Variants in SMIM14 observed in about 807,000 individuals in gnomAD.
SMIM14 encodes the protein small integral membrane protein 14.
A neutral mutation model predicts 12.6 loss-of-function variants in SMIM14; 5 were observed. The observed-to-expected ratio is 0.40, with a 90% CI of 0.21 to 0.83. SMIM14 has a LOEUF of 0.83. Ranked by LOEUF, SMIM14 falls within the 40% of genes least tolerant of loss-of-function variation. The probability of loss-of-function intolerance (pLI) is 0.37; values close to 1 mark genes in which losing one functional copy is unlikely to be tolerated. For synonymous variants in SMIM14, 30 were observed against 40.1 expected (o/e 0.75, Z 0.95); for missense variants, 86 against 119.1 (o/e 0.72, Z 1.29).
At chr4:39,568,243 C>T (rs546694909) in intron 3 of SMIM14, among the ~76,000 whole-genome samples, 14 of 151,054 alleles carry the variant, frequency 9.3e-5, no homozygotes, top group Middle Eastern at 6.8e-3. Flanking sequence ...TGTGCCACTA[C>T]ACTCCAGCCT....
At chr4:39,579,129 C>G (rs1241848651) in intron 2 of SMIM14, among the ~76,000 whole-genome samples, 1 of 151,832 alleles carries the variant, frequency 6.6e-6, no homozygotes, top group Non-Finnish European at 1.5e-5. Flanking sequence ...ACATAAAAGG[C>G]CGGGTGCAGT....
intron 2 of SMIM14, among the ~76,000 whole-genome samples, chr4:39,578,044 A>G (rs1400633146): frequency 6.6e-6 from 1 of 151,996 alleles, no homozygotes; most frequent in Non-Finnish European, 1.5e-5. Flanking sequence ...TGTATATTCA[A>G]TGTGTTGAAT....
At position 39,622,184 on chromosome 4, in the gene SMIM14, C is replaced by T. The variant is rs533018787; in HGVS notation, c.-36+16555G>A. Among the ~76,000 whole-genome samples the T allele has an allele frequency of 3.8e-3, 540 of 142,766 alleles. 3 individuals are homozygous for T. The highest frequency in any genetic ancestry group is 0.014 in the African/African-American group (522 of 38,456). The allele number at this position is 142,766 out of a possible 152,430, so 93.7% of individuals were successfully genotyped here. A position where few individuals can be genotyped will look rare whatever the true frequency, so the allele number is the denominator to read the frequency against. ...CTGCAAGCTCCGCCTCCCGGGTTCA[C>T]GCCATTCTCCTGCCTCAGCCTCCCG... On this transcript the variant is annotated intron_variant, in intron 1 of 4. Transcript: ENST00000295958.
chr4:39,578,386 A>T (rs1713310856), intron 2 of SMIM14, among the ~76,000 whole-genome samples: 2 of 152,174 alleles, frequency 1.3e-5, no homozygotes, highest in Admixed American at 6.6e-5. Context: ...TTTTCTCTTG[A>T]CTTACTTGGA....
intron 1 of SMIM14, chr4:39,638,399 A>ACT (rs1188376389): frequency 1.1e-6 from 1 of 893,578 alleles, no homozygotes; most frequent in Non-Finnish European, 1.3e-6. Flanking sequence ...TCCAGCTACG[A>ACT]CTCTCTTTTT....
chr4:39,622,177 G>A (rs1038526508), intron 1 of SMIM14, among the ~76,000 whole-genome samples: 7 of 150,940 alleles, frequency 4.6e-5, no homozygotes, highest in Non-Finnish European at 8.8e-5. Context: ...TCCGCCTCCC[G>A]GGTTCACGCC....
At chr4:39,624,185 G>T (rs1164979637) in intron 1 of SMIM14, among the ~76,000 whole-genome samples, 1 of 152,060 alleles carries the variant, frequency 6.6e-6, no homozygotes, top group Non-Finnish European at 1.5e-5. Context: ...CTCAAAACTG[G>T]TTATTCTTTT....
At chr4:39,595,301 A>C (rs1714306679) in intron 2 of SMIM14, among the ~76,000 whole-genome samples, 1 of 148,624 alleles carries the variant, frequency 6.7e-6, no homozygotes, top group African/African-American at 2.5e-5. Context: ...AACTATTGCA[A>C]GAACAAAAAA....
rs143199015 is a variant in SMIM14, at chr4:39,616,426, C to T, written c.-35-11246G>A. Among the ~76,000 whole-genome samples the T allele has an allele frequency of 3.6e-3, 545 of 152,184 alleles. 3 individuals are homozygous for T. Among genetic ancestry groups the T allele is most frequent in the African/African-American group, 0.013 (525 of 41,538 alleles). On this transcript the variant is annotated intron_variant, in intron 1 of 4. Coordinates refer to ENST00000295958, the MANE Select transcript of SMIM14 (RefSeq NM_174921.3). ...CTGGGATTACAGGAGTGAGCCACCGCGCCTGGCCACATTTTATAACTTGGG... is the reference window on the plus strand; with the variant it reads ...CTGGGATTACAGGAGTGAGCCACCGTGCCTGGCCACATTTTATAACTTGGG...
At chr4:39,561,149 T>C (rs1712291132) in intron 3 of SMIM14, among the ~76,000 whole-genome samples, 1 of 152,166 alleles carries the variant, frequency 6.6e-6, no homozygotes, top group Non-Finnish European at 1.5e-5. Flanking sequence ...GCAATATACT[T>C]ATTGGTTCAG....
chr4:39,562,973 C>T (rs900656741), intron 3 of SMIM14, among the ~76,000 whole-genome samples: 1 of 152,010 alleles, frequency 6.6e-6, no homozygotes, highest in Non-Finnish European at 1.5e-5. Context: ...AGCCTTTCCT[C>T]ATATGATTGG....
Position 39,638,466 on chromosome 4 carries a change from T to C in SMIM14, c.-36+273A>G, listed in dbSNP as rs1388941367. The C allele has an allele frequency of 1.3e-5, 13 of 985,294 alleles. No homozygotes were observed. The African/African-American group carries it at 1.9e-4, about 15-fold the overall frequency. The allele number at this position is 985,294 out of a possible 1,614,324, so 61.0% of individuals were successfully genotyped here. ...CTGATCCTAAAAATAAAACCACCCG[T>C]GGCTACCTTGCCCTTGCCTGCAAAG... On this transcript the variant is annotated intron_variant, in intron 1 of 4. Transcript: ENST00000295958.
chr4:39,620,632 G>A (rs1715450924), intron 1 of SMIM14, among the ~76,000 whole-genome samples: 1 of 152,190 alleles, frequency 6.6e-6, no homozygotes. Context: ...ATTGTGCCCA[G>A]GCTGGAATAT....
rs985029663 is a variant in SMIM14 at position 39,625,089 on chromosome 4, A to G, written c.-36+13650T>C. On this transcript the variant is annotated intron_variant, in intron 1 of 4. Coordinates refer to ENST00000295958, the MANE Select transcript of SMIM14 (RefSeq NM_174921.3). Reference sequence around the variant, plus strand: ...AAAAGTTAGCTGGGTGTGGTGGTGCATGACTGTAATCCCAGCTACTCGGGA... The same window carrying G: ...AAAAGTTAGCTGGGTGTGGTGGTGCGTGACTGTAATCCCAGCTACTCGGGA... 2.7e-5 allele frequency among the ~76,000 whole-genome samples: 4 copies of G among 148,668 alleles called. No homozygotes were observed. The East Asian group carries it at 6.2e-4, about 23-fold the overall frequency.
intron 2 of SMIM14, among the ~76,000 whole-genome samples, chr4:39,580,377 C>T (rs1248403948): frequency 2.0e-5 from 3 of 151,962 alleles, no homozygotes; most frequent in Non-Finnish European, 2.9e-5. Context: ...CGACAGTCTC[C>T]CTATGCTGTC....
intron 1 of SMIM14, among the ~76,000 whole-genome samples, chr4:39,605,461 CTTAA>C (rs3832281): frequency 0.14 from 20,564 of 152,036 alleles, 1,945 homozygotes; most frequent in South Asian, 0.32. Context: ...ACCTACTCTG[CTTAA>C]TTACTCAATT....
intron 1 of SMIM14, among the ~76,000 whole-genome samples, chr4:39,610,581 A>T (rs892751604): frequency 6.6e-6 from 1 of 151,530 alleles, no homozygotes; most frequent in African/African-American, 2.4e-5. Flanking sequence ...TGTAGTTCTA[A>T]CTACTCTGGA....
chr4:39,599,346 G>A (rs1178043426), intron 2 of SMIM14, among the ~76,000 whole-genome samples: 1 of 152,032 alleles, frequency 6.6e-6, no homozygotes, highest in East Asian at 1.9e-4. Context: ...TTTACTCTGA[G>A]TCTCATGGAA....
chr4:39,617,776 G>C (rs1009992800), intron 1 of SMIM14, among the ~76,000 whole-genome samples: 2 of 152,106 alleles, frequency 1.3e-5, no homozygotes, highest in African/African-American at 2.4e-5. Context: ...TTTAACAGCG[G>C]AAGAGAATCT....
Sources: allele counts gnomAD v4.1 joint callset (sites outside exome capture counted in the v4.1 genomes callset), GRCh38; gene constraint gnomAD v4.1.1; transcripts MANE v1.5; gene names NCBI Gene and HGNC (gene_info 2026-07-23, HGNC 2026-07-21).